The following COG5 variants were observed in gnomAD, a reference collection of about 807,000 sequenced individuals.
The protein encoded by COG5 is component of oligomeric golgi complex 5, also known as conserved oligomeric Golgi complex subunit 5.
A neutral mutation model predicts 110.4 loss-of-function variants in COG5; 86 were observed. The observed-to-expected ratio is 0.78, with a 90% CI of 0.65 to 0.93. COG5 has a LOEUF of 0.93. COG5 is among the 40% of genes least tolerant of loss of function. The pLI is 0.00. For synonymous variants in COG5, 360 were observed against 334.6 expected, an observed-to-expected ratio of 1.08 and a Z score of -0.83; for missense variants, 1,077 against 987.0, an observed-to-expected ratio of 1.09 and a Z score of -1.22.
chr7:107,237,149 T>A (rs185343068), intron 17 of COG5, among the ~76,000 whole-genome samples: 6 of 152,324 alleles, frequency 3.9e-5, no homozygotes, highest in Non-Finnish European at 5.9e-5. Flanking sequence ...GGCAAAGATC[T>A]CTCTGCTCTT....
intron 21 of COG5, chr7:107,210,198 A>C (rs1260888567): frequency 3.2e-5 from 37 of 1,168,992 alleles, no homozygotes; most frequent in Non-Finnish European, 3.8e-5. Flanking sequence ...ATAAAAATGA[A>C]GTAAAAGATG....
At chr7:107,525,783 C>A (rs1800688589) in intron 6 of COG5, among the ~76,000 whole-genome samples, 1 of 152,068 alleles carries the variant, frequency 6.6e-6, no homozygotes, top group African/African-American at 2.4e-5. Flanking sequence ...GAGATCTGTT[C>A]TGTTCACCCA....
chr7:107,356,410 C>A (rs1486846059), intron 10 of COG5, among the ~76,000 whole-genome samples: 1 of 152,132 alleles, frequency 6.6e-6, no homozygotes, highest in Non-Finnish European at 1.5e-5. Context: ...ACTGCTTGTA[C>A]AAATTTCAGC....
In COG5 at chr7:107,236,687, C is replaced by T; in HGVS notation, c.1854G>A (p.Gly618=). 1 of 1,609,152 alleles carries T rather than the reference C, an allele frequency of 6.2e-7. No individual in the cohort carries two copies. Among genetic ancestry groups the T allele is most frequent in the East Asian group, 2.2e-5 (1 of 44,860 alleles). Residue 618 remains glycine (G), a splice_region_variant and synonymous_variant, in exon 18 of 22, where the codon GGG becomes GGA. Transcript: ENST00000297135. The stretch of plus-strand genomic sequence containing the variant: ...CAGGTTTTCCTGAGCTGGATAATGA[C>T]CTGTAAAAGAAAAAGCAGCCCTTTT... The part of the protein sequence containing the change: ...IITMHQEDFS[G]SLSSSGKPDV...
At chr7:107,432,669 T>C (rs188032241) in intron 6 of COG5, among the ~76,000 whole-genome samples, 2 of 152,188 alleles carry the variant, frequency 1.3e-5, no homozygotes, top group African/African-American at 4.8e-5. Context: ...AAATTCTAAC[T>C]AGGAAGAAAA....
rs370588827 is a variant in COG5 at position 107,561,067 on chromosome 7, AAAG to A, written c.94+2733_94+2735del. The stretch of plus-strand genomic sequence containing the variant: ...AAACAAAAAAGAATGGCAAAAGCCA[AAAG>A]AAGGGATAAAGAAAGTAAGTATTAG... On this transcript the variant is annotated intron_variant, in intron 1 of 21. Coordinates refer to ENST00000297135, the MANE Select transcript of COG5 (RefSeq NM_006348.5). Among the ~76,000 whole-genome samples, 26 of 152,366 alleles carry A rather than the reference AAAG, an allele frequency of 1.7e-4. No homozygotes were observed. The East Asian group carries it at 5.0e-3, about 29-fold the overall frequency.
Position 107,203,560 on chromosome 7 carries a change from T to G in COG5, c.2446A>C (p.Ile816Leu), listed in dbSNP as rs1017248688. ...EGKEFAPVYP[I>L]MVQLLQKAMS... ...GCCTTTTGAAGCAGCTGAACCATTA[T>G]GGGATAAACTGGTGCAAATTCTTTG... is the stretch of plus-strand genomic sequence containing the variant. The change falls in exon 22 of 22, where the codon ATA becomes CTA. Residue 816 changes from isoleucine to leucine, a missense_variant. Physicochemically the swap from Ile to Leu is conservative, Grantham distance 5. Coordinates refer to ENST00000297135, the MANE Select transcript of COG5 (RefSeq NM_006348.5). The G allele has an allele frequency of 6.2e-7, 1 of 1,613,968 alleles. No individual in the cohort carries two copies. The highest frequency in any genetic ancestry group is 1.3e-5 in the African/African-American group (1 of 74,932).
chr7:107,512,546 C>A lies in COG5; in HGVS notation c.538+14691G>T, dbSNP rs867885851. Among the ~76,000 whole-genome samples, 77 of 152,332 alleles carry A rather than the reference C, an allele frequency of 5.1e-4. 1 individual carries two copies. Among genetic ancestry groups the A allele is most frequent in the African/African-American group, 1.7e-3 (70 of 41,576 alleles). On this transcript the variant is annotated intron_variant, in intron 6 of 21. Transcript: ENST00000297135. ...TTCTTCACAGAATTGGAAAAAACTACTTTAAACTTCATATGGAACCAAAAA... is the reference window on the plus strand; with the variant it reads ...TTCTTCACAGAATTGGAAAAAACTAATTTAAACTTCATATGGAACCAAAAA...
intron 5 of COG5, among the ~76,000 whole-genome samples, chr7:107,543,409 T>A (rs765452329): frequency 3.9e-4 from 59 of 152,284 alleles, no homozygotes; most frequent in Non-Finnish European, 5.9e-4. Flanking sequence ...ATTAAAATTG[T>A]GTTGGGCAGG....
intron 10 of COG5, among the ~76,000 whole-genome samples, chr7:107,342,427 C>T (rs1347646824): frequency 6.6e-6 from 1 of 150,838 alleles, no homozygotes. Context: ...CCTATAATCC[C>T]AGCACTTTGG....
chr7:107,211,108 AG>A lies in COG5; in HGVS notation c.2285del (p.Ser762PhefsTer41). 1 of 1,614,152 alleles carries A rather than the reference AG, an allele frequency of 6.2e-7. No homozygotes were observed. The highest frequency in any genetic ancestry group is 8.5e-7 in the Non-Finnish European group (1 of 1,180,010). ...TGACTTTATTTATTACCTGGAAAGG[AG>A]ATTTCAGTTCAGCGGGTGCTCTCGT... ...LFTRAPAELKSPFQRAEWSHT... is the reference protein window; with the variant it reads ...LFTRAPAELKXPFQRAEWSHT... On this transcript the variant is annotated frameshift_variant, in exon 20 of 22. Transcript: ENST00000297135. LOFTEE classifies it high-confidence loss of function.
intron 7 of COG5, among the ~76,000 whole-genome samples, chr7:107,388,707 A>T (rs1443891223): frequency 6.6e-6 from 1 of 152,216 alleles, no homozygotes; most frequent in Admixed American, 6.5e-5. Context: ...TGTGAACAGT[A>T]ATGTACGGTG....
At chr7:107,507,673 CT>C (rs1799130630) in intron 6 of COG5, among the ~76,000 whole-genome samples, 1 of 151,082 alleles carries the variant, frequency 6.6e-6, no homozygotes, top group Non-Finnish European at 1.5e-5. Flanking sequence ...ACATTAATTA[CT>C]TCAGTAATTA....
chr7:107,386,477 G>A (rs1199684496), intron 7 of COG5, among the ~76,000 whole-genome samples: 7 of 152,124 alleles, frequency 4.6e-5, no homozygotes, highest in Non-Finnish European at 1.0e-4. Flanking sequence ...AAGCACGACG[G>A]ACCGCCGAAA....
chr7:107,539,952 G>C (rs571926982), intron 5 of COG5, among the ~76,000 whole-genome samples: 7 of 152,144 alleles, frequency 4.6e-5, no homozygotes, highest in Non-Finnish European at 7.3e-5. Flanking sequence ...TTACCACTGG[G>C]AGACAATTTT....
At chr7:107,267,528 A>G (rs1803897820) in intron 14 of COG5, among the ~76,000 whole-genome samples, 1 of 152,218 alleles carries the variant, frequency 6.6e-6, no homozygotes, top group South Asian at 2.1e-4. Context: ...CCACTTTCCA[A>G]TAATGAATAC....
chr7:107,334,162 A>C (rs1810502228), intron 10 of COG5, among the ~76,000 whole-genome samples: 1 of 152,188 alleles, frequency 6.6e-6, no homozygotes, highest in South Asian at 2.1e-4. Flanking sequence ...CTAAGTATCT[A>C]CAGAGAAACG....
At chr7:107,262,701 A>C (rs1265975413) in intron 14 of COG5, among the ~76,000 whole-genome samples, 2 of 151,976 alleles carry the variant, frequency 1.3e-5, no homozygotes, top group Non-Finnish European at 2.9e-5. Context: ...TCATTTCTCT[A>C]ATCTCCGACA....
chr7:107,299,935 GTTCT>G (rs1481542595), intron 11 of COG5, among the ~76,000 whole-genome samples: 1 of 147,716 alleles, frequency 6.8e-6, no homozygotes, highest in African/African-American at 2.5e-5. Flanking sequence ...TGCCCAGGCT[GTTCT>G]TTAACTCCTA....
Sources: allele counts gnomAD v4.1 joint callset (sites outside exome capture counted in the v4.1 genomes callset), GRCh38; gene constraint gnomAD v4.1.1; transcripts MANE v1.5; gene names NCBI Gene and HGNC (gene_info 2026-07-23, HGNC 2026-07-21).